The following GALNT17 variants were observed in gnomAD, a reference collection of about 807,000 sequenced individuals.
GALNT17 encodes the protein polypeptide N-acetylgalactosaminyltransferase 17.
GALNT17 carries 29 observed loss-of-function variants against 63.7 expected under a neutral mutation model. The observed-to-expected ratio is 0.46, with a 90% CI of 0.34 to 0.62. The LOEUF (loss-of-function observed/expected upper bound fraction) is 0.62, where lower values mean the gene tolerates loss of function less well. Ranked by LOEUF, GALNT17 falls within the 20% of genes least tolerant of loss-of-function variation. GALNT17 has a pLI of 0.01. For missense variants in GALNT17, 603 were observed against 799.6 expected (o/e 0.75, Z 2.97); for synonymous variants, 305 against 318.3 (o/e 0.96, Z 0.45).
intron 6 of GALNT17, among the ~76,000 whole-genome samples, chr7:71,634,151 C>T (rs1176917840): frequency 6.6e-6 from 1 of 152,136 alleles, no homozygotes; most frequent in East Asian, 1.9e-4. Flanking sequence ...TTTTTGGAGT[C>T]TCCAGTGTCT....
intron 5 of GALNT17, among the ~76,000 whole-genome samples, chr7:71,522,339 A>G (rs1180375801): frequency 6.6e-6 from 1 of 152,174 alleles, no homozygotes; most frequent in Non-Finnish European, 1.5e-5. Context: ...TTTTAATGCT[A>G]CTGATAAAGA....
At chr7:71,699,428 A>T (rs1241021397) in intron 9 of GALNT17, among the ~76,000 whole-genome samples, 3 of 147,856 alleles carry the variant, frequency 2.0e-5, no homozygotes, top group African/African-American at 7.4e-5. Context: ...GTGAGCCGAG[A>T]TTGCGCCACT....
At chr7:71,222,623 C>G (rs1294063766) in intron 1 of GALNT17, among the ~76,000 whole-genome samples, 1 of 152,070 alleles carries the variant, frequency 6.6e-6, no homozygotes, top group Non-Finnish European at 1.5e-5. Context: ...GAGGACTAGT[C>G]AGGTGTTTTG....
At chr7:71,693,255 CACACACAT>C (rs1315457224) in intron 9 of GALNT17, among the ~76,000 whole-genome samples, 4 of 87,198 alleles carry the variant, frequency 4.6e-5, no homozygotes, top group African/African-American at 1.1e-4. Flanking sequence ...TATATACACA[CACACACAT>C]ACACACACAC....
intron 2 of GALNT17, among the ~76,000 whole-genome samples, chr7:71,353,000 G>A: frequency 6.6e-6 from 1 of 151,930 alleles, no homozygotes; most frequent in Admixed American, 6.6e-5. Flanking sequence ...AGGAGTGAAT[G>A]GGAGGGAAGA....
intron 6 of GALNT17, among the ~76,000 whole-genome samples, chr7:71,647,578 C>T (rs1356385830): frequency 6.6e-6 from 1 of 152,198 alleles, no homozygotes; most frequent in Non-Finnish European, 1.5e-5. Context: ...CCCCTCCAGG[C>T]CCTGGAAGCC....
At chr7:71,456,803 T>C (rs553496170) in intron 5 of GALNT17, among the ~76,000 whole-genome samples, 2 of 152,274 alleles carry the variant, frequency 1.3e-5, no homozygotes, top group South Asian at 4.1e-4. Flanking sequence ...TGACACAGGC[T>C]CAGGAGGTCC....
intron 1 of GALNT17, among the ~76,000 whole-genome samples, chr7:71,316,167 G>A (rs147202726): frequency 0.018 from 2,124 of 118,186 alleles, 26 homozygotes; most frequent in Middle Eastern, 0.038. Flanking sequence ...AGGAAGGCAG[G>A]AGCCTCGCAG....
rs1197674416 is a variant in GALNT17, at chr7:71,436,820, A to T, written c.962+15715A>T. Among the ~76,000 whole-genome samples the T allele has an allele frequency of 2.6e-5, 4 of 152,224 alleles. No homozygotes were observed. The South Asian group carries it at 6.2e-4, about 24-fold the overall frequency. On this transcript the variant is annotated intron_variant, in intron 5 of 10. Transcript: ENST00000333538. Reference sequence around the variant, plus strand: ...GAATGAAAACAACTGCTAGAGAAACAGTGTGAGTTTGACTGTCTGTAAGAT... The same window carrying T: ...GAATGAAAACAACTGCTAGAGAAACTGTGTGAGTTTGACTGTCTGTAAGAT...
chr7:71,336,852 C>T (rs1410204873), intron 2 of GALNT17, among the ~76,000 whole-genome samples: 1 of 152,156 alleles, frequency 6.6e-6, no homozygotes, highest in Non-Finnish European at 1.5e-5. Flanking sequence ...TGGGTATATA[C>T]CCAGTAATGG....
At chr7:71,545,469 A>G (rs1049211299) in intron 5 of GALNT17, among the ~76,000 whole-genome samples, 6 of 152,170 alleles carry the variant, frequency 3.9e-5, no homozygotes, top group Admixed American at 3.9e-4. Context: ...CTCATGCTTC[A>G]GCCTCCTGAG....
intron 5 of GALNT17, among the ~76,000 whole-genome samples, chr7:71,473,271 A>G (rs1364179518): frequency 2.0e-5 from 3 of 152,196 alleles, no homozygotes; most frequent in Non-Finnish European, 4.4e-5. Flanking sequence ...TTCAGAGAGA[A>G]TAGATGTTAA....
chr7:71,559,768 G>T (rs1789221890), intron 5 of GALNT17, among the ~76,000 whole-genome samples: 1 of 151,970 alleles, frequency 6.6e-6, no homozygotes, highest in Non-Finnish European at 1.5e-5. Context: ...AGCTGAAGTG[G>T]GAGGATTGCT....
At chr7:71,427,124 G>A (rs1208546075) in intron 5 of GALNT17, among the ~76,000 whole-genome samples, 1 of 145,320 alleles carries the variant, frequency 6.9e-6, no homozygotes, top group African/African-American at 2.5e-5. Context: ...CTGTCACCCA[G>A]GCTGGAGTGC....
chr7:71,675,988 C>CA (rs1311263263), intron 8 of GALNT17, among the ~76,000 whole-genome samples: 3 of 151,646 alleles, frequency 2.0e-5, no homozygotes, highest in Admixed American at 1.3e-4. Flanking sequence ...AACTCTGTCC[C>CA]AAAAAAAGAA....
In GALNT17 at chr7:71,547,446, G is replaced by A. The variant is rs983852047; in HGVS notation, c.963-23839G>A. On this transcript the variant is annotated intron_variant, in intron 5 of 10. Coordinates refer to ENST00000333538, the MANE Select transcript of GALNT17 (RefSeq NM_022479.3). The stretch of plus-strand genomic sequence containing the variant: ...TGAGATTATAGGTGTGAGCCACTGC[G>A]CCCGGCCCAGCTAATTTTTAGTAGA... Among the ~76,000 whole-genome samples, 8 of 151,930 alleles carry A rather than the reference G, an allele frequency of 5.3e-5. No individual in the cohort carries two copies. The South Asian group carries it at 6.2e-4, about 12-fold the overall frequency.
At chr7:71,469,625 C>G (rs112872825) in intron 5 of GALNT17, among the ~76,000 whole-genome samples, 4,660 of 152,232 alleles carry the variant, frequency 0.031, 102 homozygotes, top group East Asian at 0.041. Flanking sequence ...AACACTTGAC[C>G]ACTGTTGATT....
intron 5 of GALNT17, among the ~76,000 whole-genome samples, chr7:71,566,507 G>T (rs917273064): frequency 6.6e-6 from 1 of 152,028 alleles, no homozygotes; most frequent in Non-Finnish European, 1.5e-5. Context: ...TGGAGCTAAC[G>T]CCGAGGACAT....
chr7:71,328,120 T>G (rs1357816424), intron 1 of GALNT17, among the ~76,000 whole-genome samples: 1 of 152,188 alleles, frequency 6.6e-6, no homozygotes, highest in Non-Finnish European at 1.5e-5. Context: ...ATGGTTGCAG[T>G]AGGATGACTG....
Sources: allele counts gnomAD v4.1 joint callset (sites outside exome capture counted in the v4.1 genomes callset), GRCh38; gene constraint gnomAD v4.1.1; transcripts MANE v1.5; gene names NCBI Gene and HGNC (gene_info 2026-07-23, HGNC 2026-07-21).